Variants in ZNF248 observed in about 807,000 individuals in gnomAD.
The protein encoded by ZNF248 is KRAB protein domain.
A neutral mutation model predicts 44.3 loss-of-function variants in ZNF248; 20 were observed. The observed-to-expected ratio is 0.45, with a 90% confidence interval of 0.32 to 0.66. The LOEUF (loss-of-function observed/expected upper bound fraction) is 0.66, where lower values mean the gene tolerates loss of function less well. Among genes scored for constraint, ZNF248 ranks in the 30% least tolerant of loss-of-function variants. The pLI, the probability that ZNF248 is intolerant of heterozygous loss-of-function variation, is 0.04. For synonymous variants in ZNF248, 224 were observed against 229.0 expected, an observed-to-expected ratio of 0.98 and a Z score of 0.20; for missense variants, 654 against 677.0, an observed-to-expected ratio of 0.97 and a Z score of 0.38.
chr10:37,832,742 G>T lies in ZNF248; in HGVS notation c.613C>A (p.Leu205Ile), dbSNP rs778822219. Reference protein sequence around the residue: ...KRNAINYHQDLSQPSFGQSFE... With the variant: ...KRNAINYHQDISQPSFGQSFE... ...GATTGGCCAAAACTTGGCTGACTGA[G>T]ATCCTGGTGATAATTAATGGCATTC... is the stretch of plus-strand genomic sequence containing the variant. The change falls in exon 6 of 6, where the codon CTC becomes ATC. Residue 205 changes from leucine to isoleucine, a missense_variant. Coordinates refer to ENST00000395867, the MANE Select transcript of ZNF248 (RefSeq NM_021045.3). The T allele has an allele frequency of 6.2e-7, 1 of 1,613,632 alleles. No homozygotes were observed. The highest frequency in any genetic ancestry group is 1.1e-5 in the South Asian group (1 of 91,064).
chr10:37,834,295 G>A (rs79654127), intron 5 of ZNF248, among the ~76,000 whole-genome samples: 222 of 152,026 alleles, frequency 1.5e-3, no homozygotes, highest in African/African-American at 4.6e-3. Flanking sequence ...CAATGCTATC[G>A]CCCCTATTGT....
At chr10:37,819,012 C>A in intron 6 of ZNF248, 1 of 875,110 alleles carries the variant, frequency 1.1e-6, no homozygotes, top group East Asian at 2.4e-5. Context: ...GTGCCAGCAC[C>A]TTGTGATGTC....
downstream of ZNF248, among the ~76,000 whole-genome samples, chr10:37,772,438 T>A (rs2132732646): frequency 6.6e-6 from 1 of 152,304 alleles, no homozygotes; most frequent in South Asian, 2.1e-4. Flanking sequence ...GGCAGTGTGC[T>A]GATGGACTAG....
rs1420550652 is a variant in ZNF248 at position 37,830,079 on chromosome 10, A to G, written c.*1536T>C. On this transcript the variant is annotated 3_prime_UTR_variant, in exon 6 of 6. Transcript: ENST00000395867. ...GAGATACTCTAAAATACTAATACGC[A>G]GAACTAGTGTTACATAGACCGTGCC... is the stretch of plus-strand genomic sequence containing the variant. The G allele has an allele frequency of 2.0e-6, 2 of 985,340 alleles. No homozygotes were observed. The highest frequency in any genetic ancestry group is 2.4e-6 in the Non-Finnish European group (2 of 829,954). 61.0% of individuals were successfully genotyped at this position (985,340 alleles called of 1,614,324 possible).
In ZNF248 at chr10:37,832,149, G is replaced by T; in HGVS notation, c.1206C>A (p.His402Gln). Residue 402 changes from histidine to glutamine, a missense_variant, in exon 6 of 6, where the codon CAC becomes CAA. Physicochemically the swap from His to Gln is conservative, Grantham distance 24 (BLOSUM62 0). Transcript: ENST00000395867. ...TACATTCATAGGGCTTCTCTCCTGTGTGTGTTCTCTGATGTTGAGTGAGGT... is the reference window on the plus strand; with the variant it reads ...TACATTCATAGGGCTTCTCTCCTGTTTGTGTTCTCTGATGTTGAGTGAGGT... ...KSNLTQHQRT[H>Q]TGEKPYECTE... 1 of 1,614,070 alleles carries T rather than the reference G, an allele frequency of 6.2e-7. No individual in the cohort carries two copies. The highest frequency in any genetic ancestry group is 8.5e-7 in the Non-Finnish European group (1 of 1,179,970).
intron 6 of ZNF248, among the ~76,000 whole-genome samples, chr10:37,780,684 C>T (rs1198619274): frequency 2.0e-5 from 3 of 152,196 alleles, no homozygotes; most frequent in African/African-American, 7.2e-5. Context: ...CCAAGGCGCG[C>T]ACCCCGCGCG....
At chr10:37,801,630 C>A (rs1466336703) in intron 6 of ZNF248, among the ~76,000 whole-genome samples, 3 of 151,916 alleles carry the variant, frequency 2.0e-5, no homozygotes, top group Non-Finnish European at 2.9e-5. Context: ...TTACAAAAAA[C>A]CCATAAATAT....
chr10:37,838,079 G>A lies in ZNF248; in HGVS notation c.48C>T (p.Asp16=). 6.2e-7 allele frequency: 1 copy of A among 1,613,240 alleles called. No homozygotes were observed. The highest frequency in any genetic ancestry group is 1.7e-5 in the Admixed American group (1 of 60,006). ...EQVSFKDVCV[D]FTQEEWYLLD... is the part of the protein sequence containing the mutation. ...GCAGATACCACTCTTCCTGAGTGAA[G>A]TCCACACATACATCCTTGAATGACA... The change falls in exon 4 of 6, where the codon GAC becomes GAT. Residue 16 remains aspartate (D), a synonymous_variant. Transcript: ENST00000395867.
In ZNF248 at chr10:37,856,541, C is replaced by A; in HGVS notation, c.-125-9G>T. On this transcript the variant is annotated splice_polypyrimidine_tract_variant and intron_variant, in intron 1 of 5. Transcript: ENST00000395867. The stretch of plus-strand genomic sequence containing the variant: ...TATTACCAATTTAGGTTCTGTGACA[C>A]AGAAAAATTAAAAACATGAAAAGAT... 2.5e-6 allele frequency: 3 copies of A among 1,184,510 alleles called. No individual in the cohort carries two copies. Among genetic ancestry groups the A allele is most frequent in the South Asian group, 8.3e-5 (2 of 24,078 alleles). The allele number at this position is 1,184,510 out of a possible 1,614,324, so 73.4% of individuals were successfully genotyped here. A position where few individuals can be genotyped will look rare whatever the true frequency, so the allele number is the denominator to read the frequency against.
At chr10:37,769,980 C>G in the ZNF248 span, among the ~76,000 whole-genome samples, 3 of 152,240 alleles carry the variant, frequency 2.0e-5, no homozygotes, top group South Asian at 6.2e-4. Flanking sequence ...ACACCAATAA[C>G]AGACAAACAG....
chr10:37,815,134 T>A (rs2052229593), intron 6 of ZNF248, among the ~76,000 whole-genome samples: 1 of 152,130 alleles, frequency 6.6e-6, no homozygotes. Flanking sequence ...TGGCATCATC[T>A]TGGCTCACTG....
chr10:37,775,729 C>A (rs562218459), downstream of ZNF248, among the ~76,000 whole-genome samples: 2 of 152,192 alleles, frequency 1.3e-5, no homozygotes. Flanking sequence ...CTGCCATGTT[C>A]ACTCCTGTAG....
intron 3 of ZNF248, among the ~76,000 whole-genome samples, chr10:37,850,880 T>C (rs972950033): frequency 2.0e-5 from 3 of 152,054 alleles, no homozygotes; most frequent in Non-Finnish European, 4.4e-5. Context: ...GAGAAAATCT[T>C]TGCCTAGGGC....
chr10:37,802,713 C>T (rs1013924305), intron 6 of ZNF248: 4 of 152,178 alleles, frequency 2.6e-5, no homozygotes, highest in Non-Finnish European at 4.4e-5. Context: ...AGAAAACAGA[C>T]GCAGGTGCTT....
At chr10:37,838,328 A>T (rs2057654878) in intron 3 of ZNF248, among the ~76,000 whole-genome samples, 1 of 152,222 alleles carries the variant, frequency 6.6e-6, no homozygotes, top group South Asian at 2.1e-4. Context: ...GTGAAAACAG[A>T]CAAACATGGT....
intron 5 of ZNF248, among the ~76,000 whole-genome samples, chr10:37,833,730 G>A (rs1039631869): frequency 6.6e-6 from 1 of 152,084 alleles, no homozygotes; most frequent in South Asian, 2.1e-4. Flanking sequence ...AAGTTTTATT[G>A]AGAAGAAATA....
chr10:37,775,073 T>C (rs974441897), downstream of ZNF248, among the ~76,000 whole-genome samples: 19 of 152,178 alleles, frequency 1.2e-4, no homozygotes, highest in Non-Finnish European at 1.8e-4. Context: ...CCTGGCCTCT[T>C]TTGTTTATTC....
chr10:37,798,604 A>G (rs535737560), intron 6 of ZNF248, among the ~76,000 whole-genome samples: 68 of 152,308 alleles, frequency 4.5e-4, no homozygotes, highest in African/African-American at 1.4e-3. Context: ...ATGTACATGT[A>G]TATTCACATG....
At chr10:37,837,844 A>G (rs1206247516) in intron 4 of ZNF248, 132 bp from the exon 5 acceptor site, 10 of 1,360,108 alleles carry the variant, frequency 7.4e-6, no homozygotes, top group Middle Eastern at 1.9e-4. Flanking sequence ...AATCTCTGAC[A>G]AGGCAAGAGC....
Sources: allele counts gnomAD v4.1 joint callset (sites outside exome capture counted in the v4.1 genomes callset), GRCh38; gene constraint gnomAD v4.1.1; transcripts MANE v1.5; gene names NCBI Gene and HGNC (gene_info 2026-07-23, HGNC 2026-07-21).